Variants in PCED1B observed in about 807,000 individuals in gnomAD.
PCED1B encodes PC-esterase domain-containing protein 1B.
For missense variants in PCED1B, 573 were observed against 573.9 expected, an observed-to-expected ratio of 1.00 and a Z score of 0.02; for synonymous variants, 251 against 246.1, an observed-to-expected ratio of 1.02 and a Z score of -0.19.
intron 2 of PCED1B, among the ~76,000 whole-genome samples, chr12:47,200,849 G>A (rs796751134): frequency 6.6e-5 from 10 of 152,294 alleles, no homozygotes; most frequent in African/African-American, 2.4e-4. Flanking sequence ...AACAATAACA[G>A]ACATATGCGA....
intron 2 of PCED1B, among the ~76,000 whole-genome samples, chr12:47,202,594 T>TAAAAAAAAAAAAAAAAAAA (rs60769675): frequency 3.0e-5 from 2 of 66,674 alleles, no homozygotes; most frequent in African/African-American, 6.0e-5. Context: ...TAGACATTAG[T>TAAAAAAAAAAAAAAAAAAA]AAAAAAAAAA....
intron 1 of PCED1B, among the ~76,000 whole-genome samples, chr12:47,102,581 G>A (rs1938757087): frequency 6.6e-6 from 1 of 152,098 alleles, no homozygotes; most frequent in Admixed American, 6.5e-5. Flanking sequence ...TTTTGGTCAG[G>A]AATGATTTAC....
rs138391786 is a variant in PCED1B at position 47,171,357 on chromosome 12, G to A, written c.-525-44865G>A. Among the ~76,000 whole-genome samples, 482 of 152,192 alleles carry A rather than the reference G, an allele frequency of 3.2e-3. 1 individual carries two copies. The highest frequency in any genetic ancestry group is 7.8e-3 in the African/African-American group (323 of 41,520). On this transcript the variant is annotated intron_variant, in intron 2 of 3. Transcript: ENST00000546455. The stretch of plus-strand genomic sequence containing the variant: ...GCTGGGATTACAGGCGTGAGCCACC[G>A]TGCCTGGCCCTATTCTACTTTCAAA...
intron 2 of PCED1B, among the ~76,000 whole-genome samples, chr12:47,117,502 C>T (rs568373232): frequency 1.3e-5 from 2 of 152,322 alleles, no homozygotes; most frequent in African/African-American, 2.4e-5. Flanking sequence ...CCAGCTTCAT[C>T]CATGTCCCTA....
chr12:47,176,772 G>T (rs1941938045), intron 2 of PCED1B, among the ~76,000 whole-genome samples: 1 of 152,062 alleles, frequency 6.6e-6, no homozygotes, highest in Non-Finnish European at 1.5e-5. Flanking sequence ...GTGGTGGATA[G>T]CCTCATGGGA....
At chr12:47,232,671 T>C (rs1005461406) in intron 3 of PCED1B, among the ~76,000 whole-genome samples, 28 of 152,168 alleles carry the variant, frequency 1.8e-4, no homozygotes, top group African/African-American at 6.0e-4. Context: ...TAGTCATCTG[T>C]GGATATGAGT....
intron 1 of PCED1B, among the ~76,000 whole-genome samples, chr12:47,098,051 G>C (rs1333940807): frequency 6.6e-6 from 1 of 152,188 alleles, no homozygotes; most frequent in Non-Finnish European, 1.5e-5. Context: ...TTGCTTTTGG[G>C]TAGTAGTTGA....
At position 47,115,660 on chromosome 12, in the gene PCED1B, C is replaced by T. The variant is rs74490112; in HGVS notation, c.-526+11465C>T. ...CTGTTTTAAAAAGGTGATATGTAGT[C>T]TCCTTATCTTAGAGATTAAGTTCTG... is the stretch of plus-strand genomic sequence containing the variant. On this transcript the variant is annotated intron_variant, in intron 2 of 3. Coordinates refer to ENST00000546455, the MANE Select transcript of PCED1B (RefSeq NM_138371.3). Among the ~76,000 whole-genome samples the T allele has an allele frequency of 9.9e-4, 150 of 152,256 alleles. 3 individuals carry two copies. In the East Asian group the frequency reaches 0.021, roughly 21 times the overall value.
At chr12:47,204,851 T>G (rs1942868107) in intron 2 of PCED1B, among the ~76,000 whole-genome samples, 1 of 152,222 alleles carries the variant, frequency 6.6e-6, no homozygotes, top group African/African-American at 2.4e-5. Context: ...TATAAAAGAA[T>G]CTGGATACTC....
chr12:47,192,816 G>A (rs747954762), intron 2 of PCED1B, among the ~76,000 whole-genome samples: 1 of 152,152 alleles, frequency 6.6e-6, no homozygotes, highest in East Asian at 1.9e-4. Context: ...CATTCCTTGA[G>A]ACAAGTACTA....
At chr12:47,095,525 G>T (rs532822631) in intron 1 of PCED1B, among the ~76,000 whole-genome samples, 275 of 151,662 alleles carry the variant, frequency 1.8e-3, no homozygotes, top group Non-Finnish European at 3.2e-3. Flanking sequence ...CTCCTTTTTG[G>T]AACTCCAATT....
At chr12:47,140,430 C>T (rs1269749021) in intron 2 of PCED1B, among the ~76,000 whole-genome samples, 1 of 152,180 alleles carries the variant, frequency 6.6e-6, no homozygotes, top group Non-Finnish European at 1.5e-5. Context: ...ATGCCCCTGG[C>T]ATCTTGAGCT....
At chr12:47,113,598 T>C (rs1939292616) in intron 2 of PCED1B, among the ~76,000 whole-genome samples, 1 of 152,234 alleles carries the variant, frequency 6.6e-6, no homozygotes, top group Non-Finnish European at 1.5e-5. Flanking sequence ...AATCAGATTT[T>C]ACCAGATTTG....
chr12:47,210,591 C>T (rs966580208), intron 2 of PCED1B: 1 of 152,122 alleles, frequency 6.6e-6, no homozygotes, highest in Non-Finnish European at 1.5e-5. Context: ...CATGGTGAAA[C>T]CCTGCCTCTA....
At chr12:47,085,280 G>A (rs1336621043) in intron 1 of PCED1B, among the ~76,000 whole-genome samples, 1 of 152,188 alleles carries the variant, frequency 6.6e-6, no homozygotes, top group Non-Finnish European at 1.5e-5. Context: ...TGTGTCCTCT[G>A]TTGCCCAAGT....
chr12:47,107,514 A>C (rs1294594074), intron 2 of PCED1B, among the ~76,000 whole-genome samples: 1 of 152,228 alleles, frequency 6.6e-6, no homozygotes, highest in Non-Finnish European at 1.5e-5. Context: ...AAGAAGCAGA[A>C]AGTATAATGC....
intron 2 of PCED1B, among the ~76,000 whole-genome samples, chr12:47,133,487 T>TG (rs1318059693): frequency 6.6e-6 from 1 of 152,090 alleles, no homozygotes; most frequent in Non-Finnish European, 1.5e-5. Context: ...AAGGTAGGGA[T>TG]GGGGGGTACA....
chr12:47,169,717 T>A (rs912371398), intron 2 of PCED1B, among the ~76,000 whole-genome samples: 1 of 152,078 alleles, frequency 6.6e-6, no homozygotes, highest in Non-Finnish European at 1.5e-5. Context: ...TGGCCCAGCA[T>A]GGTGACTGAT....
chr12:47,220,949 A>G lies in PCED1B; in HGVS notation c.-58+4260A>G, dbSNP rs150171183. On this transcript the variant is annotated intron_variant, in intron 3 of 3. Coordinates refer to ENST00000546455, the MANE Select transcript of PCED1B (RefSeq NM_138371.3). ...GGCCCTCTGGGCTTATACAAACCCT[A>G]TGGTTCCCTGCGGGCTTTCAGAAGA... 3.1e-4 allele frequency among the ~76,000 whole-genome samples: 47 copies of G among 152,302 alleles called. No individual in the cohort carries two copies. The East Asian group carries it at 8.1e-3, about 26-fold the overall frequency.
Sources: gnomAD v4.1 joint callset for allele counts (sites outside exome capture counted in the v4.1 genomes callset) on GRCh38, gnomAD v4.1.1 for gene constraint, MANE v1.5 for transcripts, NCBI Gene and HGNC (gene_info 2026-07-23, HGNC 2026-07-21) for gene names.